The following KMT2A variants were observed in gnomAD, a reference collection of about 807,000 sequenced individuals.
The protein encoded by KMT2A is histone-lysine N-methyltransferase 2A.
Under a neutral mutation model 345.3 loss-of-function variants are expected in KMT2A, and 16 were observed. The observed-to-expected ratio is 0.05, with a 90% CI of 0.03 to 0.07. The LOEUF is 0.07. Among genes scored for constraint, KMT2A ranks in the 10% least tolerant of loss-of-function variants. The pLI is 1.00. For missense variants in KMT2A, 3,272 were observed against 4,841.6 expected (o/e 0.68, Z 9.62); for synonymous variants, 1,599 against 1,778.6 (o/e 0.90, Z 2.54).
chr11:118,505,491 T>C lies in KMT2A; in HGVS notation c.9599T>C (p.Leu3200Ser), dbSNP rs782023622. ...GVQPPPDPQL[L>S]VSESSQRTDL... The stretch of plus-strand genomic sequence containing the variant: ...CAGCCTCCTCCGGATCCCCAACTTT[T>C]GGTTTCAGAATCCAGCCAGAGGACA... Residue 3200 changes from leucine to serine, a missense_variant, in exon 27 of 36, where the codon TTG becomes TCG. Physicochemically the swap from Leu to Ser is moderately radical, Grantham distance 145. Coordinates refer to ENST00000534358, the MANE Select transcript of KMT2A (RefSeq NM_001197104.2). This position sits in a 1 kb window ranked among gnomAD's most constrained non-coding sequence, Gnocchi z 4.6. 6.2e-7 allele frequency: 1 copy of C among 1,614,182 alleles called. No individual in the cohort carries two copies. Among genetic ancestry groups the C allele is most frequent in the South Asian group, 1.1e-5 (1 of 91,080 alleles).
chr11:118,504,924 C>A lies in KMT2A; in HGVS notation c.9032C>A (p.Pro3011His). The A allele has an allele frequency of 6.2e-7, 1 of 1,614,172 alleles. No homozygotes were observed. Among genetic ancestry groups the A allele is most frequent in the Non-Finnish European group, 8.5e-7 (1 of 1,180,016 alleles). ...HMDADHISSP[P>H]CGSVEQGHGN... ...GATGCAGACCACATCTCTAGCCCTCCTTGTGGTTCAGTAGAGCAAGGTCAT... is the reference window on the plus strand; with the variant it reads ...GATGCAGACCACATCTCTAGCCCTCATTGTGGTTCAGTAGAGCAAGGTCAT... The change falls in exon 27 of 36, where the codon CCT (proline) becomes CAT (histidine). Residue 3011 changes from proline (P) to histidine (H), a missense_variant. By Grantham distance (77) the Pro-to-His change is moderately conservative (BLOSUM62 -2). Around this residue, in one of 27 missense-constraint regions of KMT2A, gnomAD observed 748 missense variants for 922.2 expected, o/e 0.81. Transcript: ENST00000534358. The surrounding 1 kb of genome is among the most constrained non-coding windows in gnomAD (Gnocchi z 6.4).
At chr11:118,447,714 A>C (rs1210673472) in intron 1 of KMT2A, 1 of 438,588 alleles carries the variant, frequency 2.3e-6, no homozygotes, top group African/African-American at 2.0e-5. Context: ...CAGTCCTATG[A>C]GGAAAGGTTG....
At chr11:118,439,972 CA>C (rs1949280105) in intron 1 of KMT2A, among the ~76,000 whole-genome samples, 1 of 150,944 alleles carries the variant, frequency 6.6e-6, no homozygotes, top group African/African-American at 2.4e-5. Context: ...GATAAAGTTC[CA>C]AAAGGGAAGT....
chr11:118,478,225 A>T, intron 5 of KMT2A, 24 bp downstream of exon 5: 1 of 1,562,706 alleles, frequency 6.4e-7, no homozygotes, highest in Non-Finnish European at 8.8e-7. Context: ...TCACTCTGAG[A>T]TGTTGACCTC....
intron 1 of KMT2A, among the ~76,000 whole-genome samples, chr11:118,439,569 C>T (rs376179724): frequency 1.3e-5 from 2 of 152,284 alleles, no homozygotes; most frequent in African/African-American, 2.4e-5. Context: ...AGGGGCTAAA[C>T]GTTTTCTTAT....
intron 1 of KMT2A, among the ~76,000 whole-genome samples, chr11:118,468,243 A>C (rs1479626244): frequency 6.6e-6 from 1 of 152,172 alleles, no homozygotes; most frequent in Non-Finnish European, 1.5e-5. Flanking sequence ...CTGGATCTCA[A>C]ATGTACAGAA....
rs1395424735 is a variant in KMT2A, at chr11:118,524,889, C to CA, written c.*2719dup. ...CTGTGAGCCCCTCCTCACTCTCTAC[C>CA]AACCCTAAACCCTGAGGACAGGGGA... On this transcript the variant is annotated 3_prime_UTR_variant, in exon 36 of 36. Coordinates refer to ENST00000534358, the MANE Select transcript of KMT2A (RefSeq NM_001197104.2). The CA allele has an allele frequency of 5.2e-6, 1 of 193,896 alleles. No individual in the cohort carries two copies. Among genetic ancestry groups the CA allele is most frequent in the Non-Finnish European group, 1.1e-5 (1 of 92,906 alleles). The allele number at this position is 193,896 out of a possible 1,614,324, so 12.0% of individuals were successfully genotyped here.
Position 118,495,866 on chromosome 11 carries a change from C to T in KMT2A, c.5530C>T (p.Leu1844=). 6.2e-7 allele frequency: 1 copy of T among 1,613,716 alleles called. No individual in the cohort carries two copies. ...TGGAGAACCAGACTCACCAACTCCT[C>T]TGCATCCTCCTACACCACCAATTTT... The part of the protein sequence containing the change: ...GPGEPDSPTP[L]HPPTPPILST... The change falls in exon 19 of 36, where the codon CTG becomes TTG. Residue 1844 remains leucine (L), a synonymous_variant. Coordinates refer to ENST00000534358, the MANE Select transcript of KMT2A (RefSeq NM_001197104.2). The surrounding 1 kb of genome is among the most constrained non-coding windows in gnomAD (Gnocchi z 4.1).
In KMT2A at chr11:118,502,824, C is replaced by T. The variant is rs1950521189; in HGVS notation, c.6932C>T (p.Thr2311Ile). The stretch of plus-strand genomic sequence containing the variant: ...AGCTCCTCTTTAAAGGGAGAGAAGA[C>T]CAAAGTGCTGAGTTCCAAGAGCTCA... ...SKSSSLKGEKTKVLSSKSSEG... is the reference protein window; with the variant it reads ...SKSSSLKGEKIKVLSSKSSEG... Residue 2311 changes from threonine (T) to isoleucine (I), a missense_variant, in exon 27 of 36, where the codon ACC becomes ATC. Coordinates refer to ENST00000534358, the MANE Select transcript of KMT2A (RefSeq NM_001197104.2). This position sits in a 1 kb window ranked among gnomAD's most constrained non-coding sequence, Gnocchi z 4.9. The T allele has an allele frequency of 1.2e-6, 2 of 1,614,192 alleles. No individual in the cohort carries two copies. Among genetic ancestry groups the T allele is most frequent in the South Asian group, 2.2e-5 (2 of 91,082 alleles).
chr11:118,516,757 T>A (rs1555051657), intron 31 of KMT2A, among the ~76,000 whole-genome samples: 2 of 152,332 alleles, frequency 1.3e-5, no homozygotes, highest in African/African-American at 4.8e-5. Context: ...TGTTCCTTCT[T>A]AAGAGTTCCC....
At chr11:118,463,416 C>T (rs1949784519) in intron 1 of KMT2A, among the ~76,000 whole-genome samples, 2 of 152,100 alleles carry the variant, frequency 1.3e-5, no homozygotes. Flanking sequence ...TGGGAAATCC[C>T]CAGATGTCTT....
At chr11:118,487,745 A>G (rs1265418567) in intron 10 of KMT2A, among the ~76,000 whole-genome samples, 1 of 152,244 alleles carries the variant, frequency 6.6e-6, no homozygotes, top group Non-Finnish European at 1.5e-5. Context: ...ACACTGGTAC[A>G]TTACTATTAT....
At chr11:118,467,633 A>T (rs2134246146) in intron 1 of KMT2A, among the ~76,000 whole-genome samples, 1 of 152,332 alleles carries the variant, frequency 6.6e-6, no homozygotes, top group East Asian at 1.9e-4. Context: ...TAATATAGTC[A>T]TGGCTGAAAA....
rs183785164 is a variant in KMT2A, at chr11:118,456,223, T to C, written c.433-12552T>C. ...GCATTCTTTAAAACTTTTAGGGCCA[T>C]GCATGGTGGCTAACACCTGTAATCC... On this transcript the variant is annotated intron_variant, in intron 1 of 35. Transcript: ENST00000534358. Among the ~76,000 whole-genome samples, 163 of 152,244 alleles carry C rather than the reference T, an allele frequency of 1.1e-3. 1 individual carries two copies. The highest frequency in any genetic ancestry group is 2.1e-3 in the Non-Finnish European group (142 of 68,004).
intron 1 of KMT2A, among the ~76,000 whole-genome samples, chr11:118,442,828 C>T (rs189532479): frequency 1.3e-5 from 2 of 152,238 alleles, no homozygotes; most frequent in Admixed American, 6.5e-5. Flanking sequence ...CCAGGACCTT[C>T]GTATTCAAAA....
chr11:118,472,060 C>A lies in KMT2A; in HGVS notation c.901C>A (p.Arg301=). The A allele has an allele frequency of 6.2e-7, 1 of 1,613,486 alleles. No individual in the cohort carries two copies. Among genetic ancestry groups the A allele is most frequent in the Non-Finnish European group, 8.5e-7 (1 of 1,179,908 alleles). Residue 301 remains arginine, a synonymous_variant, in exon 3 of 36, where the codon CGA becomes AGA. Coordinates refer to ENST00000534358, the MANE Select transcript of KMT2A (RefSeq NM_001197104.2). ...AGGAAGGAAGGGGGTACAAATTGTA[C>A]GACGGAGAGGAAGGCCTCCATCAAC... is the stretch of plus-strand genomic sequence containing the variant. The part of the protein sequence containing the change: ...QIGRKGVQIV[R]RRGRPPSTER...
Position 118,473,004 on chromosome 11 carries a change from G to A in KMT2A, c.1845G>A (p.Pro615=), listed in dbSNP as rs782608459. The A allele has an allele frequency of 1.6e-5, 26 of 1,613,948 alleles. No individual in the cohort carries two copies. The highest frequency in any genetic ancestry group is 1.9e-5 in the Non-Finnish European group (23 of 1,180,038). ...QGKRKSILRE[P]TFRWTSLKHS... ...AGCGAAAATCTATTTTGCGAGAACCGACATTTAGGTGGACTTCTTTAAAGC... is the reference window on the plus strand; with the variant it reads ...AGCGAAAATCTATTTTGCGAGAACCAACATTTAGGTGGACTTCTTTAAAGC... The change falls in exon 3 of 36, where the codon CCG becomes CCA. Residue 615 remains proline (P), a synonymous_variant. Coordinates refer to ENST00000534358, the MANE Select transcript of KMT2A (RefSeq NM_001197104.2). The surrounding 1 kb of genome is among the most constrained non-coding windows in gnomAD (Gnocchi z 5.2).
Position 118,473,452 on chromosome 11 carries a change from T to G in KMT2A, c.2293T>G (p.Ser765Ala). 1 of 1,614,192 alleles carries G rather than the reference T, an allele frequency of 6.2e-7. No homozygotes were observed. Among genetic ancestry groups the G allele is most frequent in the Non-Finnish European group, 8.5e-7 (1 of 1,180,028 alleles). ...MRTRSGRLSS[S>A]ELSPLTPPSS... ...GACAAGAAGTGGAAGGCTTAGTAGT[T>G]CTGAGCTCTCACCTCTCACCCCCCC... The change falls in exon 3 of 36, where the codon TCT (serine) becomes GCT (alanine). Residue 765 changes from serine to alanine, a missense_variant. Ser to Ala is a moderately conservative substitution (Grantham distance 99). This residue lies in a region of KMT2A where 209 missense variants were observed against 237.4 expected (regional missense o/e 0.88). Coordinates refer to ENST00000534358, the MANE Select transcript of KMT2A (RefSeq NM_001197104.2). The surrounding 1 kb of genome is among the most constrained non-coding windows in gnomAD (Gnocchi z 5.2).
rs2134397911 is a variant in KMT2A at position 118,504,196 on chromosome 11, A to C, written c.8304A>C (p.Glu2768Asp). The C allele has an allele frequency of 6.2e-7, 1 of 1,614,192 alleles. No individual in the cohort carries two copies. Among genetic ancestry groups the C allele is most frequent in the South Asian group, 1.1e-5 (1 of 91,082 alleles). ...GACCTGAAGATGCTGGGGAGAAAGAACATGTCACTAAGAGTTCTGTTGGCC... is the reference window on the plus strand; with the variant it reads ...GACCTGAAGATGCTGGGGAGAAAGACCATGTCACTAAGAGTTCTGTTGGCC... ...IDRPEDAGEK[E>D]HVTKSSVGHK... The change falls in exon 27 of 36, where the codon GAA becomes GAC. Residue 2768 changes from glutamate (E) to aspartate (D), a missense_variant. Physicochemically the swap from Glu to Asp is conservative, Grantham distance 45. Coordinates refer to ENST00000534358, the MANE Select transcript of KMT2A (RefSeq NM_001197104.2). This position sits in a 1 kb window ranked among gnomAD's most constrained non-coding sequence, Gnocchi z 6.4.
Sources: allele counts gnomAD v4.1 joint callset (sites outside exome capture counted in the v4.1 genomes callset), GRCh38; gene constraint gnomAD v4.1.1; regional missense constraint gnomAD v4.1.1; non-coding constraint Gnocchi (gnomAD v3.1); transcripts MANE v1.5; gene names NCBI Gene and HGNC (gene_info 2026-07-23, HGNC 2026-07-21).